Variants in TOMM70 observed in about 807,000 individuals in gnomAD.
TOMM70 encodes translocase of outer mitochondrial membrane 70.
Under a neutral mutation model 73.6 loss-of-function variants are expected in TOMM70, and 13 were observed. The observed-to-expected ratio is 0.18, with a 90% CI of 0.11 to 0.28. The LOEUF (loss-of-function observed/expected upper bound fraction) is 0.28, where lower values mean the gene tolerates loss of function less well. TOMM70 is among the 10% of genes least tolerant of loss of function. The pLI is 1.00. For synonymous variants in TOMM70, 257 were observed against 271.2 expected (o/e 0.95, Z 0.51); for missense variants, 609 against 747.5 (o/e 0.81, Z 2.16).
At chr3:100,396,473 T>C (rs72941482) in intron 1 of TOMM70, among the ~76,000 whole-genome samples, 17,132 of 152,186 alleles carry the variant, frequency 0.11, 1,461 homozygotes, top group African/African-American at 0.24. Flanking sequence ...CAATAATGCT[T>C]TTAAATAAGT....
At position 100,377,773 on chromosome 3, in the gene TOMM70, T is replaced by C. The variant is rs772610844; in HGVS notation, c.1024A>G (p.Ile342Val). 1.1e-5 allele frequency: 18 copies of C among 1,614,110 alleles called. No homozygotes were observed. Among genetic ancestry groups the C allele is most frequent in the Non-Finnish European group, 1.3e-5 (15 of 1,180,052 alleles). Residue 342 changes from isoleucine (I) to valine (V), a missense_variant, in exon 6 of 12, where the codon ATT becomes GTT. This residue lies in a region of TOMM70 where 432 missense variants were observed against 584.1 expected (regional missense o/e 0.74). Coordinates refer to ENST00000284320, the MANE Select transcript of TOMM70 (RefSeq NM_014820.5). The stretch of plus-strand genomic sequence containing the variant: ...GGTTTGGCTGCATTGGCATTGCCAA[T>C]AAGCAGGTAGAAGGTAGCTCGTAGT... ...LLLRATFYLL[I>V]GNANAAKPDL...
intron 1 of TOMM70, among the ~76,000 whole-genome samples, chr3:100,391,449 G>A (rs989311461): frequency 6.6e-6 from 1 of 152,136 alleles, no homozygotes; most frequent in Admixed American, 6.5e-5. Flanking sequence ...CTGACCTTGT[G>A]TAGGCCTAGG....
In TOMM70 at chr3:100,365,671, G is replaced by GCTTT; in HGVS notation, c.1719_1720insAAAG (p.Leu574LysfsTer56). On this transcript the variant is annotated frameshift_variant, in exon 12 of 12. Coordinates refer to ENST00000284320, the MANE Select transcript of TOMM70 (RefSeq NM_014820.5). LOFTEE classifies it high-confidence loss of function. ...GCCATCTCCATTTCCGATTTGGCCA[G>GCTTT]GTTAATAGCTTTGTTGAACATGTCA... 2 of 1,614,158 alleles carry GCTTT rather than the reference G, an allele frequency of 1.2e-6. No homozygotes were observed. Among genetic ancestry groups the GCTTT allele is most frequent in the Non-Finnish European group, 1.7e-6 (2 of 1,180,014 alleles).
Position 100,386,961 on chromosome 3 carries a change from G to A in TOMM70, c.342C>T (p.Ala114=). Residue 114 remains alanine, a synonymous_variant, in exon 2 of 12, where the codon GCC becomes GCT. Transcript: ENST00000284320. The stretch of plus-strand genomic sequence containing the variant: ...TATTGCCTTTATTCTTGGCTGCTTG[G>A]GCTCTATCAAGAGAGTTCTGAAATG... ...AHLDMNSLDR[A]QAAKNKGNKY... is the part of the protein sequence containing the mutation. 1 of 1,613,624 alleles carries A rather than the reference G, an allele frequency of 6.2e-7. No individual in the cohort carries two copies. The highest frequency in any genetic ancestry group is 8.5e-7 in the Non-Finnish European group (1 of 1,179,892).
At position 100,377,906 on chromosome 3, in the gene TOMM70, T is replaced by C. The variant is rs1333509100; in HGVS notation, c.891A>G (p.Gly297=). ...GEALEVKENS[G]YLKAKQYMEE... is the part of the protein sequence containing the mutation. Reference sequence around the variant, plus strand: ...CCATATACTGTTTGGCCTTTAAGTATCCAGAACTGAAAATAAAAACAAACA... The same window carrying C: ...CCATATACTGTTTGGCCTTTAAGTACCCAGAACTGAAAATAAAAACAAACA... The change falls in exon 6 of 12, where the codon GGA becomes GGG. Residue 297 remains glycine (G), a synonymous_variant. Transcript: ENST00000284320. 7 of 1,609,332 alleles carry C rather than the reference T, an allele frequency of 4.3e-6. No homozygotes were observed. The African/African-American group carries it at 8.0e-5, about 18-fold the overall frequency.
At chr3:100,385,715 A>G (rs1238342373) in intron 3 of TOMM70, among the ~76,000 whole-genome samples, 1 of 152,190 alleles carries the variant, frequency 6.6e-6, no homozygotes, top group African/African-American at 2.4e-5. Flanking sequence ...ATCATTTCCA[A>G]TTAGGTGTAA....
chr3:100,368,056 A>G lies in TOMM70; in HGVS notation c.1661T>C (p.Ile554Thr), dbSNP rs757998908. Residue 554 changes from isoleucine to threonine, a missense_variant, in exon 11 of 12, where the codon ATT becomes ACT. Ile to Thr is a moderately conservative substitution (Grantham distance 89, BLOSUM62 -1). This residue lies in a region of TOMM70 where 432 missense variants were observed against 584.1 expected (regional missense o/e 0.74). Transcript: ENST00000284320. ...CTCCAGAAGTTACCTTTGTACTTCA[A>G]TAGTTCCCATGGTTTCATAGGCAAA... is the stretch of plus-strand genomic sequence containing the variant. ...CDFAYETMGTIEVQRGNMEKA... is the reference protein window; with the variant it reads ...CDFAYETMGTTEVQRGNMEKA... The G allele has an allele frequency of 5.6e-6, 9 of 1,613,772 alleles. No individual in the cohort carries two copies. The highest frequency in any genetic ancestry group is 7.6e-6 in the Non-Finnish European group (9 of 1,179,854).
At chr3:100,386,440 GA>G in intron 2 of TOMM70, 96 bp from the exon 3 acceptor site, 2 of 1,244,632 alleles carry the variant, frequency 1.6e-6, no homozygotes, top group Non-Finnish European at 2.1e-6. Flanking sequence ...AAAAGTCCTA[GA>G]ATAAAAAAGT....
chr3:100,390,967 G>A (rs1706752622), intron 1 of TOMM70, among the ~76,000 whole-genome samples: 2 of 147,710 alleles, frequency 1.4e-5, no homozygotes, highest in South Asian at 2.2e-4. Flanking sequence ...GTGAAACCCC[G>A]TCTCTACTAA....
At position 100,373,682 on chromosome 3, in the gene TOMM70, A is replaced by G. The variant is rs1706534301; in HGVS notation, c.1228-37T>C. 3 of 1,479,408 alleles carry G rather than the reference A, an allele frequency of 2.0e-6. No individual in the cohort carries two copies. In the African/African-American group the frequency reaches 4.2e-5, roughly 21 times the overall value. 91.6% of individuals were successfully genotyped at this position (1,479,408 alleles called of 1,614,324 possible). A position where few individuals can be genotyped will look rare whatever the true frequency, so the allele number is the denominator to read the frequency against. ...ATACGTAAATAAATGTAATTCAACT[A>G]GTCCAGTTAAGTATGTTCAGTGTCT... On this transcript the variant is annotated intron_variant, in intron 7 of 11. Transcript: ENST00000284320.
At chr3:100,393,653 C>T (rs917863916) in intron 1 of TOMM70, among the ~76,000 whole-genome samples, 6 of 150,830 alleles carry the variant, frequency 4.0e-5, no homozygotes, top group Non-Finnish European at 6.0e-5. Flanking sequence ...ACTTGTCAAA[C>T]GAGGCAGAAC....
Position 100,386,270 on chromosome 3 carries a change from A to G in TOMM70, c.573T>C (p.Phe191=), listed in dbSNP as rs887724579. Residue 191 remains phenylalanine (F), a synonymous_variant, in exon 3 of 12, where the codon TTT becomes TTC. Transcript: ENST00000284320. ...ELNPKYVKAL[F]RRAKAHEKLD... ...GCTTCTCATGGGCTTTTGCACGTCT[A>G]AAGAGAGCTTTCACATATTTGGGAT... is the stretch of plus-strand genomic sequence containing the variant. 5.6e-6 allele frequency: 9 copies of G among 1,613,296 alleles called. No homozygotes were observed. In the Admixed American group the frequency reaches 6.7e-5, roughly 12 times the overall value.
In TOMM70 at chr3:100,365,561, G is replaced by A; in HGVS notation, c.*3C>T. The A allele has an allele frequency of 6.2e-7, 1 of 1,614,090 alleles. No homozygotes were observed. Among genetic ancestry groups the A allele is most frequent in the South Asian group, 1.1e-5 (1 of 91,068 alleles). On this transcript the variant is annotated 3_prime_UTR_variant, in exon 12 of 12. Coordinates refer to ENST00000284320, the MANE Select transcript of TOMM70 (RefSeq NM_014820.5). ...AAGAGGGTCAGTCTGCTTTCCCCCTGTTTTATAATGTTGGTGGTTTTAATC... is the reference window on the plus strand; with the variant it reads ...AAGAGGGTCAGTCTGCTTTCCCCCTATTTTATAATGTTGGTGGTTTTAATC...
At chr3:100,384,755 A>G (rs1706670623) in intron 3 of TOMM70, among the ~76,000 whole-genome samples, 167 bp from the exon 4 acceptor site, 2 of 152,186 alleles carry the variant, frequency 1.3e-5, no homozygotes, top group Non-Finnish European at 2.9e-5. Flanking sequence ...TATATTCTCT[A>G]TGACCAAACT....
chr3:100,398,966 A>G (rs1706855807), intron 1 of TOMM70, among the ~76,000 whole-genome samples: 1 of 152,182 alleles, frequency 6.6e-6, no homozygotes, highest in South Asian at 2.1e-4. Flanking sequence ...AACTTCCTTT[A>G]AAGCTAATTT....
intron 6 of TOMM70, among the ~76,000 whole-genome samples, chr3:100,375,623 T>C (rs898583277): frequency 6.6e-6 from 1 of 152,230 alleles, no homozygotes; most frequent in African/African-American, 2.4e-5. Context: ...AGATATCACA[T>C]TTTATTTATC....
chr3:100,387,643 C>CTTT (rs112940589), intron 1 of TOMM70, among the ~76,000 whole-genome samples: 8 of 135,584 alleles, frequency 5.9e-5, no homozygotes, highest in Non-Finnish European at 9.3e-5. Context: ...CACGTATATA[C>CTTT]TTTTTTTTTT....
chr3:100,384,363 G>T, intron 4 of TOMM70, 116 bp downstream of exon 4: 1 of 627,638 alleles, frequency 1.6e-6, no homozygotes, highest in Non-Finnish European at 2.7e-6. Flanking sequence ...ATATAACCCA[G>T]TTCTAATTGC....
intron 1 of TOMM70, among the ~76,000 whole-genome samples, chr3:100,393,634 T>C (rs1317377731): frequency 6.6e-6 from 1 of 151,398 alleles, no homozygotes; most frequent in Non-Finnish European, 1.5e-5. Flanking sequence ...CTCTCTTCAG[T>C]GTACTGAGAC....
Sources: allele counts gnomAD v4.1 joint callset (sites outside exome capture counted in the v4.1 genomes callset), GRCh38; gene constraint gnomAD v4.1.1; regional missense constraint gnomAD v4.1.1; transcripts MANE v1.5; gene names NCBI Gene and HGNC (gene_info 2026-07-23, HGNC 2026-07-21).